Variants in IL1RL2 observed in about 807,000 individuals in gnomAD.
IL1RL2 encodes the protein interleukin 1 receptor like 2.
A neutral mutation model predicts 66.8 loss-of-function variants in IL1RL2; 68 were observed. The ratio of observed to expected loss-of-function variants is 1.02; its 90% confidence interval spans 0.84 to 1.25. The LOEUF (loss-of-function observed/expected upper bound fraction) is 1.25, where lower values mean the gene tolerates loss of function less well. Among genes scored for constraint, IL1RL2 ranks in the 50% most tolerant of loss-of-function variants. IL1RL2 has a pLI of 0.00. For missense variants in IL1RL2, 729 were observed against 709.3 expected, an observed-to-expected ratio of 1.03 and a Z score of -0.32; for synonymous variants, 305 against 264.6, an observed-to-expected ratio of 1.15 and a Z score of -1.48.
At chr2:102,188,677 C>A (rs746776185) in intron 2 of IL1RL2, among the ~76,000 whole-genome samples, 57 of 150,126 alleles carry the variant, frequency 3.8e-4, no homozygotes, top group Middle Eastern at 3.2e-3. Context: ...GGATGAAATA[C>A]CTTTTACTCA....
At chr2:102,193,513 A>T (rs896608790) in intron 4 of IL1RL2, among the ~76,000 whole-genome samples, 2 of 152,154 alleles carry the variant, frequency 1.3e-5, no homozygotes, top group Admixed American at 1.3e-4. Context: ...GTGGAAGCCC[A>T]GGTAATTTTT....
At chr2:102,228,086 G>C (rs1336696482) in intron 9 of IL1RL2, among the ~76,000 whole-genome samples, 3 of 152,210 alleles carry the variant, frequency 2.0e-5, no homozygotes, top group Non-Finnish European at 2.9e-5. Flanking sequence ...GAGGCTAACA[G>C]GCAGCCAGGG....
chr2:102,219,076 G>C lies in IL1RL2; in HGVS notation c.848G>C (p.Gly283Ala), dbSNP rs1432598840. The change falls in exon 7 of 12, where the codon GGG (glycine) becomes GCG (alanine). Residue 283 changes from glycine (G) to alanine (A), a missense_variant. Coordinates refer to ENST00000264257, the MANE Select transcript of IL1RL2 (RefSeq NM_003854.4). ...GATGAATCCAAACGAATCAGAGAAG[G>C]GGTGGAGTAGGTGTTTTGCTTTTTT... is the stretch of plus-strand genomic sequence containing the variant. Reference protein sequence around the residue: ...YYDESKRIREGVETHVSFREH... With the variant: ...YYDESKRIREAVETHVSFREH... 1.4e-5 allele frequency: 22 copies of C among 1,613,720 alleles called. No individual in the cohort carries two copies. Among genetic ancestry groups the C allele is most frequent in the East Asian group, 2.2e-5 (1 of 44,872 alleles).
intron 4 of IL1RL2, among the ~76,000 whole-genome samples, chr2:102,197,533 G>A (rs1053189969): frequency 6.6e-6 from 1 of 152,114 alleles, no homozygotes; most frequent in African/African-American, 2.4e-5. Flanking sequence ...TCCTGTAGAG[G>A]CCATAAAACT....
intron 3 of IL1RL2, among the ~76,000 whole-genome samples, chr2:102,189,562 C>T (rs949904052): frequency 2.0e-5 from 3 of 152,132 alleles, no homozygotes; most frequent in Admixed American, 2.0e-4. Flanking sequence ...GTGTGTTTGT[C>T]CCAGTATTAT....
At chr2:102,226,708 G>T (rs1690648347) in intron 9 of IL1RL2, among the ~76,000 whole-genome samples, 1 of 152,038 alleles carries the variant, frequency 6.6e-6, no homozygotes, top group African/African-American at 2.4e-5. Flanking sequence ...GAAAACGGAG[G>T]GAAGAAGGGA....
At chr2:102,232,770 C>A (rs375903760) in intron 9 of IL1RL2, among the ~76,000 whole-genome samples, 193 bp from the exon 10 acceptor site, 1 of 152,152 alleles carries the variant, frequency 6.6e-6, no homozygotes, top group East Asian at 1.9e-4. Flanking sequence ...ATAAGACCAC[C>A]TCCCTCAGGG....
At position 102,235,004 on chromosome 2, in the gene IL1RL2, C is replaced by T; in HGVS notation, c.1405C>T (p.Gln469Ter). The stretch of plus-strand genomic sequence containing the variant: ...CCTGTTGAAGAACCTGTCAGAAGAA[C>T]AAATCGCGGTCTACAGTGCCCTGAT... ...FGLLKNLSEE[Q>*]IAVYSALIQD... The change falls in exon 11 of 12, where the codon CAA (glutamine) becomes TAA (stop). Residue 469 changes from glutamine to a stop codon, truncating the protein, a stop_gained. Transcript: ENST00000264257. LOFTEE classifies it high-confidence loss of function. 6.2e-7 allele frequency: 1 copy of T among 1,614,154 alleles called. No homozygotes were observed.
intron 4 of IL1RL2, among the ~76,000 whole-genome samples, chr2:102,193,207 T>A (rs1177607314): frequency 6.6e-6 from 1 of 152,204 alleles, no homozygotes; most frequent in Non-Finnish European, 1.5e-5. Context: ...TTCCCTCTTT[T>A]ACAAGAAATG....
At chr2:102,214,474 A>G (rs1689436212) in intron 6 of IL1RL2, among the ~76,000 whole-genome samples, 1 of 152,222 alleles carries the variant, frequency 6.6e-6, no homozygotes, top group African/African-American at 2.4e-5. Context: ...GAACAACTGA[A>G]CAAGAAATTA....
At position 102,195,647 on chromosome 2, in the gene IL1RL2, CTTTCTTTCTTTCTTTCTT is replaced by C. The variant is rs1559530485; in HGVS notation, c.489+3529_489+3546del. 5.1e-4 allele frequency among the ~76,000 whole-genome samples: 28 copies of C among 55,244 alleles called. 1 individual carries two copies. The highest frequency in any genetic ancestry group is 1.4e-3 in the African/African-American group (25 of 17,358). The allele number at this position is 55,244 out of a possible 152,430, so 36.2% of individuals were successfully genotyped here. ...TTTCTTTCTCTCTCTCTCTCTCTCT[CTTTCTTTCTTTCTTTCTT>C]TCTTTCTTTCTTTCTTTCTTCTTTC... On this transcript the variant is annotated intron_variant, in intron 4 of 11. Transcript: ENST00000264257.
chr2:102,194,950 C>G (rs1032425186), intron 4 of IL1RL2, among the ~76,000 whole-genome samples: 2 of 151,740 alleles, frequency 1.3e-5, no homozygotes, highest in African/African-American at 4.8e-5. Flanking sequence ...ATATTTTAGG[C>G]ATTGTAGGCC....
At chr2:102,191,897 G>C in intron 3 of IL1RL2, 28 bp from the exon 4 acceptor site, 1 of 1,434,568 alleles carries the variant, frequency 7.0e-7, no homozygotes, top group Non-Finnish European at 9.6e-7. Flanking sequence ...GTTTTAAAGA[G>C]TTTATGAGGT....
At chr2:102,218,831 T>C in intron 6 of IL1RL2, 122 bp from the exon 7 acceptor site, 1 of 810,386 alleles carries the variant, frequency 1.2e-6, no homozygotes. Context: ...CCTAGGGGGC[T>C]ATTTCTGGTA....
intron 5 of IL1RL2, among the ~76,000 whole-genome samples, chr2:102,203,366 T>C (rs1011338588): frequency 1.3e-5 from 2 of 151,990 alleles, no homozygotes; most frequent in African/African-American, 4.8e-5. Context: ...TGATGTGTCT[T>C]TGTCTGGTTT....
chr2:102,235,395 A>T (rs1484391991), intron 11 of IL1RL2, 118 bp downstream of exon 11: 1 of 1,488,584 alleles, frequency 6.7e-7, no homozygotes, highest in East Asian at 2.3e-5. Context: ...TGAAGCTGGC[A>T]GTTGCGTACT....
intron 6 of IL1RL2, among the ~76,000 whole-genome samples, chr2:102,217,668 A>G (rs897391278): frequency 6.6e-6 from 1 of 152,230 alleles, no homozygotes; most frequent in Admixed American, 6.5e-5. Context: ...AGTGCCAGGA[A>G]CACACATTAA....
At chr2:102,195,483 G>A (rs561392781) in intron 4 of IL1RL2, among the ~76,000 whole-genome samples, 43 of 152,014 alleles carry the variant, frequency 2.8e-4, no homozygotes, top group South Asian at 1.7e-3. Context: ...TGCATGCAAC[G>A]TAAATCATAT....
rs1206592615 is a variant in IL1RL2 at position 102,219,997 on chromosome 2, A to T, written c.971A>T (p.Tyr324Phe). 1 of 1,612,374 alleles carries T rather than the reference A, an allele frequency of 6.2e-7. No individual in the cohort carries two copies. Among genetic ancestry groups the T allele is most frequent in the East Asian group, 2.2e-5 (1 of 44,832 alleles). The change falls in exon 8 of 12, where the codon TAC becomes TTC. Residue 324 changes from tyrosine (Y) to phenylalanine (F), a missense_variant. Transcript: ENST00000264257. The part of the protein sequence containing the change: ...FMCHAGVSTA[Y>F]IILQLPAPDF... ...TGCCACGCTGGAGTGTCCACAGCATACATTATATTACAGCTCCCAGGTAAT... is the reference window on the plus strand; with the variant it reads ...TGCCACGCTGGAGTGTCCACAGCATTCATTATATTACAGCTCCCAGGTAAT...
Sources: gnomAD v4.1 joint callset for allele counts (sites outside exome capture counted in the v4.1 genomes callset) on GRCh38, gnomAD v4.1.1 for gene constraint, MANE v1.5 for transcripts, NCBI Gene and HGNC (gene_info 2026-07-23, HGNC 2026-07-21) for gene names.